The following PTPRJ variants were observed in gnomAD, a reference collection of about 807,000 sequenced individuals.
PTPRJ encodes the protein receptor-type tyrosine-protein phosphatase eta.
A neutral mutation model predicts 141.3 loss-of-function variants in PTPRJ; 129 were observed. That is an observed-to-expected ratio of 0.91 (90% CI 0.79 to 1.06). The LOEUF (loss-of-function observed/expected upper bound fraction) is 1.06. Ranked by LOEUF, PTPRJ falls within the 50% of genes least tolerant of loss-of-function variation. The pLI, the probability that PTPRJ is intolerant of heterozygous loss-of-function variation, is 0.00. For missense variants in PTPRJ, 1,601 were observed against 1,679.7 expected (o/e 0.95, Z 0.82); for synonymous variants, 610 against 640.5 (o/e 0.95, Z 0.72).
At chr11:48,135,933 A>T in intron 8 of PTPRJ, 106 bp from the exon 9 acceptor site, 2 of 1,331,280 alleles carry the variant, frequency 1.5e-6, no homozygotes, top group Non-Finnish European at 2.1e-6. Context: ...TGAACTCATT[A>T]GAAAGCGTAA....
chr11:48,001,064 GT>G (rs1285076203), intron 1 of PTPRJ, among the ~76,000 whole-genome samples: 4 of 146,502 alleles, frequency 2.7e-5, no homozygotes, highest in Admixed American at 1.4e-4. Flanking sequence ...GGTGATCTTG[GT>G]TTACTGCAAC....
chr11:48,079,888 T>C (rs753407234), intron 1 of PTPRJ, among the ~76,000 whole-genome samples: 61 of 152,052 alleles, frequency 4.0e-4, no homozygotes, highest in Non-Finnish European at 8.4e-4. Flanking sequence ...CTCTAAATGT[T>C]AAAAGATACA....
At chr11:48,109,497 T>C (rs1856385133) in intron 1 of PTPRJ, among the ~76,000 whole-genome samples, 1 of 152,156 alleles carries the variant, frequency 6.6e-6, no homozygotes, top group Admixed American at 6.5e-5. Flanking sequence ...CTGCTTGACA[T>C]GTGATTAAAA....
chr11:48,140,995 G>A (rs1389571246), intron 11 of PTPRJ, among the ~76,000 whole-genome samples: 1 of 152,014 alleles, frequency 6.6e-6, no homozygotes. Flanking sequence ...ATTATGTTGT[G>A]GTTGTTTTGG....
chr11:48,132,525 C>G (rs1252271306), intron 8 of PTPRJ: 15 of 981,714 alleles, frequency 1.5e-5, no homozygotes, highest in Non-Finnish European at 1.7e-5. Flanking sequence ...TACAGTCTTC[C>G]TTGATCTAAG....
intron 1 of PTPRJ, among the ~76,000 whole-genome samples, chr11:48,049,670 C>T (rs547702592): frequency 3.1e-4 from 47 of 149,408 alleles, no homozygotes; most frequent in African/African-American, 8.4e-4. Context: ...GCCGAGATCG[C>T]GCCATTGCAC....
At chr11:48,097,888 A>G (rs2134308701) in intron 1 of PTPRJ, among the ~76,000 whole-genome samples, 1 of 152,170 alleles carries the variant, frequency 6.6e-6, no homozygotes, top group South Asian at 2.1e-4. Flanking sequence ...CTGGCCTTTA[A>G]GCAACCCAAG....
intron 1 of PTPRJ, among the ~76,000 whole-genome samples, chr11:48,090,573 C>T (rs568586337): frequency 2.0e-5 from 3 of 152,320 alleles, no homozygotes; most frequent in East Asian, 3.9e-4. Flanking sequence ...ACGTGGGCTT[C>T]GCAGGCTGTT....
intron 8 of PTPRJ, chr11:48,132,667 A>C: frequency 1.2e-6 from 1 of 867,088 alleles, no homozygotes; most frequent in Non-Finnish European, 1.4e-6. Flanking sequence ...CGTTGTGCAC[A>C]TGTACCCTAG....
chr11:48,121,208 C>T lies in PTPRJ; in HGVS notation c.558C>T (p.Ile186=), dbSNP rs776595032. ...LRPATSYVFS[I]TPGIGNETWG... ...CAGCGACTTCATATGTATTCTCCATCACTCCAGGAATAGGCAATGAGACTT... is the reference window on the plus strand; with the variant it reads ...CAGCGACTTCATATGTATTCTCCATTACTCCAGGAATAGGCAATGAGACTT... Residue 186 remains isoleucine (I), a synonymous_variant, in exon 4 of 25, where the codon ATC becomes ATT. Coordinates refer to ENST00000418331, the MANE Select transcript of PTPRJ (RefSeq NM_002843.4). The T allele has an allele frequency of 3.7e-6, 6 of 1,614,006 alleles. No homozygotes were observed. The Admixed American group carries it at 1.0e-4, about 27-fold the overall frequency.
chr11:48,046,377 A>T (rs991940513), intron 1 of PTPRJ: 9 of 152,200 alleles, frequency 5.9e-5, no homozygotes, highest in African/African-American at 1.9e-4. Flanking sequence ...TAATCTTCAC[A>T]GTGGTACAAT....
intron 8 of PTPRJ, among the ~76,000 whole-genome samples, chr11:48,135,787 A>G (rs901265278): frequency 1.2e-4 from 19 of 152,184 alleles, no homozygotes; most frequent in African/African-American, 4.6e-4. Context: ...CTAAGGGCTC[A>G]TTTTTAAGAC....
At position 48,124,853 on chromosome 11, in the gene PTPRJ, G is replaced by C. The variant is rs1027044375; in HGVS notation, c.875-115G>C. 8.6e-6 allele frequency: 8 copies of C among 934,494 alleles called. No homozygotes were observed. In the African/African-American group the frequency reaches 1.1e-4, roughly 13 times the overall value. The allele number at this position is 934,494 out of a possible 1,614,324, so 57.9% of individuals were successfully genotyped here. A position where few individuals can be genotyped will look rare whatever the true frequency, so the allele number is the denominator to read the frequency against. On this transcript the variant is annotated intron_variant, in intron 5 of 24. Transcript: ENST00000418331. The stretch of plus-strand genomic sequence containing the variant: ...GAGGAAGGGAGCAGATATTGATGGA[G>C]CACCAACTGTGGCCACTGTCTGATG...
chr11:48,034,510 T>A (rs750796141), intron 1 of PTPRJ, among the ~76,000 whole-genome samples: 20 of 152,230 alleles, frequency 1.3e-4, no homozygotes, highest in Admixed American at 3.3e-4. Flanking sequence ...AGGTCCTTTA[T>A]TGATTCATCT....
At chr11:48,041,423 C>T (rs912966775) in intron 1 of PTPRJ, among the ~76,000 whole-genome samples, 5 of 152,124 alleles carry the variant, frequency 3.3e-5, no homozygotes, top group Admixed American at 1.3e-4. Flanking sequence ...TGTTAACCCA[C>T]GTAGAATTCC....
intron 15 of PTPRJ, 120 bp downstream of exon 15, chr11:48,147,083 C>A: frequency 3.5e-6 from 3 of 861,864 alleles, no homozygotes; most frequent in Non-Finnish European, 3.8e-6. Flanking sequence ...TTCCCTTCAC[C>A]CATAGTGTTC....
chr11:48,080,296 G>A (rs1191035776), intron 1 of PTPRJ, among the ~76,000 whole-genome samples: 4 of 152,132 alleles, frequency 2.6e-5, no homozygotes, highest in Admixed American at 6.5e-5. Context: ...CCATGTGCCC[G>A]GCTATGTGCT....
intron 1 of PTPRJ, among the ~76,000 whole-genome samples, chr11:48,037,446 T>G (rs1854156222): frequency 6.6e-6 from 1 of 152,144 alleles, no homozygotes; most frequent in Admixed American, 6.5e-5. Context: ...TGGAAGCCAG[T>G]AAGTCCCACA....
chr11:48,070,500 C>CAA (rs35904394), intron 1 of PTPRJ, among the ~76,000 whole-genome samples: 154 of 73,208 alleles, frequency 2.1e-3, no homozygotes, highest in South Asian at 4.5e-3. Context: ...ACTCTGTCTC[C>CAA]AAAAAAAAAA....
Sources: gnomAD v4.1 joint callset for allele counts (sites outside exome capture counted in the v4.1 genomes callset) on GRCh38, gnomAD v4.1.1 for gene constraint, MANE v1.5 for transcripts, NCBI Gene and HGNC (gene_info 2026-07-23, HGNC 2026-07-21) for gene names.